FARP1: variants seen among roughly 807,000 people sequenced by gnomAD.
The protein encoded by FARP1 is FERM, ARH/RhoGEF and pleckstrin domain protein 1, also known as FERM, ARHGEF and pleckstrin domain-containing protein 1.
In FARP1, 52 loss-of-function variants were observed where a neutral mutation model predicts 128.8. The observed-to-expected ratio is 0.40, with a 90% CI of 0.32 to 0.51. The LOEUF is 0.51. Ranked by LOEUF, FARP1 falls within the 20% of genes least tolerant of loss-of-function variation. FARP1 has a pLI of 0.45. For synonymous variants in FARP1, 580 were observed against 551.8 expected, an observed-to-expected ratio of 1.05 and a Z score of -0.72; for missense variants, 1,333 against 1,367.9, an observed-to-expected ratio of 0.97 and a Z score of 0.40.
At chr13:98,202,741 A>T (rs1880028515) in intron 1 of FARP1, among the ~76,000 whole-genome samples, 1 of 151,598 alleles carries the variant, frequency 6.6e-6, no homozygotes, top group Admixed American at 6.6e-5. Context: ...TTTTTAAGAG[A>T]TAGGGTCTTG....
chr13:98,409,384 G>T lies in FARP1; in HGVS notation c.1461G>T (p.Ser487=). 1 of 1,613,688 alleles carries T rather than the reference G, an allele frequency of 6.2e-7. No homozygotes were observed. The highest frequency in any genetic ancestry group is 8.5e-7 in the Non-Finnish European group (1 of 1,179,928). ...ACCTTTCCGAGCTGTCTGTGAACTC[G>T]CAGGGGGGAGTGGCCCCTGCCAACG... is the stretch of plus-strand genomic sequence containing the variant. ...SPHLSELSVN[S]QGGVAPANVT... The change falls in exon 14 of 27, where the codon TCG becomes TCT. Residue 487 remains serine (S), a synonymous_variant. Transcript: ENST00000319562.
intron 2 of FARP1, among the ~76,000 whole-genome samples, chr13:98,255,410 A>G (rs960003396): frequency 1.3e-5 from 2 of 152,144 alleles, no homozygotes; most frequent in Non-Finnish European, 2.9e-5. Context: ...CTGAGGCAGG[A>G]GAATGGCGTG....
At chr13:98,152,732 T>C (rs1057389230) in intron 1 of FARP1, among the ~76,000 whole-genome samples, 2 of 149,968 alleles carry the variant, frequency 1.3e-5, no homozygotes, top group African/African-American at 2.4e-5. Flanking sequence ...TAATATTATC[T>C]ATGAGAAAAC....
intron 1 of FARP1, among the ~76,000 whole-genome samples, chr13:98,148,924 T>A (rs1434767204): frequency 6.6e-6 from 1 of 152,068 alleles, no homozygotes; most frequent in Non-Finnish European, 1.5e-5. Context: ...CTCACTCCCA[T>A]TGCCCAGGCT....
rs574588077 is a variant in FARP1 at position 98,342,570 on chromosome 13, G to A, written c.172-1192G>A. 1.1e-4 allele frequency among the ~76,000 whole-genome samples: 16 copies of A among 151,738 alleles called. No individual in the cohort carries two copies. In the South Asian group the frequency reaches 2.3e-3, roughly 22 times the overall value. On this transcript the variant is annotated intron_variant, in intron 2 of 26. Transcript: ENST00000319562. ...CAAAAATTAGCGGGGCATGGTGGCA[G>A]GTGCCTGTAATCCCAGCTACTCGGG...
intron 6 of FARP1, among the ~76,000 whole-genome samples, chr13:98,383,070 G>A (rs1304783617): frequency 6.6e-6 from 1 of 152,172 alleles, no homozygotes; most frequent in Non-Finnish European, 1.5e-5. Flanking sequence ...ACTACTCTAG[G>A]AACCTCACCC....
In FARP1 at chr13:98,176,681, T is replaced by A; in HGVS notation, c.-24+33189T>A. 12 of 1,614,206 alleles carry A rather than the reference T, an allele frequency of 7.4e-6. No individual in the cohort carries two copies. The highest frequency in any genetic ancestry group is 1.0e-5 in the Non-Finnish European group (12 of 1,180,028). ...TCAGGCTGGTAATCCCAGCGCACAG[T>A]GGCGCGCAGATGCCCTGGCGCACGT... On this transcript the variant is annotated intron_variant, in intron 1 of 26. Coordinates refer to ENST00000319562, the MANE Select transcript of FARP1 (RefSeq NM_005766.4). This position sits in a 1 kb window ranked among gnomAD's most constrained non-coding sequence, Gnocchi z 6.2.
At chr13:98,197,652 T>G (rs79055241) in intron 1 of FARP1, among the ~76,000 whole-genome samples, 1 of 151,526 alleles carries the variant, frequency 6.6e-6, no homozygotes, top group South Asian at 2.1e-4. Flanking sequence ...TTTTTTTTTT[T>G]GAGATGGAGT....
intron 1 of FARP1, among the ~76,000 whole-genome samples, chr13:98,144,317 T>C (rs540735546): frequency 6.6e-6 from 1 of 151,970 alleles, no homozygotes; most frequent in South Asian, 2.1e-4. Context: ...GGGGATCGAG[T>C]AGGGTTCCCC....
At chr13:98,167,265 A>C (rs1455507033) in intron 1 of FARP1, among the ~76,000 whole-genome samples, 2 of 152,154 alleles carry the variant, frequency 1.3e-5, no homozygotes, top group Non-Finnish European at 2.9e-5. Context: ...GTATATGGAG[A>C]AAATCAGCCC....
At chr13:98,292,871 G>T (rs146095598) in intron 2 of FARP1, among the ~76,000 whole-genome samples, 1 of 152,114 alleles carries the variant, frequency 6.6e-6, no homozygotes, top group Non-Finnish European at 1.5e-5. Flanking sequence ...TGGTAACTCT[G>T]GTCTAGGACA....
intron 1 of FARP1, among the ~76,000 whole-genome samples, chr13:98,145,211 GA>G (rs1875433408): frequency 3.3e-5 from 5 of 152,270 alleles, no homozygotes; most frequent in Admixed American, 3.3e-4. Flanking sequence ...TGGGAAACTG[GA>G]AACCCTCGGT....
At chr13:98,431,453 A>C in intron 18 of FARP1, 173 bp downstream of exon 18, 2 of 499,930 alleles carry the variant, frequency 4.0e-6, no homozygotes, top group Non-Finnish European at 6.9e-6. Context: ...GTGTTTGGTT[A>C]CATCTTGATT....
intron 1 of FARP1, among the ~76,000 whole-genome samples, chr13:98,168,700 GT>G (rs907894609): frequency 4.6e-5 from 7 of 152,186 alleles, no homozygotes; most frequent in East Asian, 1.9e-4. Context: ...TGATTTCTGT[GT>G]TTTTTTTCCC....
At chr13:98,287,553 C>G (rs1165068359) in intron 2 of FARP1, among the ~76,000 whole-genome samples, 2 of 151,884 alleles carry the variant, frequency 1.3e-5, no homozygotes, top group African/African-American at 4.8e-5. Flanking sequence ...CATGATTATT[C>G]TGACTTTGCT....
At chr13:98,343,900 T>C (rs775668146) in intron 3 of FARP1, 34 bp downstream of exon 3, 5 of 1,383,084 alleles carry the variant, frequency 3.6e-6, no homozygotes, top group Non-Finnish European at 4.1e-6. Context: ...ACTATTTTAC[T>C]GTCTGTTCAT....
intron 21 of FARP1, among the ~76,000 whole-genome samples, chr13:98,439,577 C>T (rs577728681): frequency 6.1e-4 from 93 of 152,326 alleles, no homozygotes; most frequent in Non-Finnish European, 1.1e-3. Flanking sequence ...AGGATGACAG[C>T]GCCCGCTCCC....
In FARP1 at chr13:98,270,095, A is replaced by G. The variant is rs1884319876; in HGVS notation, c.171+56682A>G. On this transcript the variant is annotated intron_variant, in intron 2 of 26. Coordinates refer to ENST00000319562, the MANE Select transcript of FARP1 (RefSeq NM_005766.4). ...ACTGAAAGGCTTTTGAGAATAGGTA[A>G]TTTTATAGAAGGAGAAATGCAGTAC... Among the ~76,000 whole-genome samples the G allele has an allele frequency of 2.0e-5, 3 of 152,220 alleles. 1 individual carries two copies. The highest frequency in any genetic ancestry group is 1.3e-4 in the Admixed American group (2 of 15,288).
chr13:98,334,971 T>A (rs1031720047), intron 2 of FARP1, among the ~76,000 whole-genome samples: 1 of 152,232 alleles, frequency 6.6e-6, no homozygotes, highest in Admixed American at 6.5e-5. Flanking sequence ...CTGAGCATAC[T>A]AAGTCATCAC....
Sources: gnomAD v4.1 joint callset for allele counts (sites outside exome capture counted in the v4.1 genomes callset) on GRCh38, gnomAD v4.1.1 for gene constraint, Gnocchi (gnomAD v3.1) non-coding constraint, MANE v1.5 for transcripts, NCBI Gene and HGNC (gene_info 2026-07-23, HGNC 2026-07-21) for gene names.